The following CHST9 variants were observed in gnomAD, a reference collection of about 807,000 sequenced individuals.
CHST9 encodes the protein GalNAc-4-sulfotransferase 2.
In CHST9, 41 loss-of-function variants were observed where a neutral mutation model predicts 44.4. The observed-to-expected ratio is 0.92, with a 90% CI of 0.72 to 1.20. The LOEUF is 1.20. CHST9 is among the 50% of genes most tolerant of loss of function. The pLI is 0.00. For synonymous variants in CHST9, 171 were observed against 178.4 expected (o/e 0.96, Z 0.33); for missense variants, 504 against 516.5 (o/e 0.98, Z 0.23).
At chr18:27,176,722 T>C (rs2058871722) in intron 1 of CHST9, among the ~76,000 whole-genome samples, 1 of 152,054 alleles carries the variant, frequency 6.6e-6, no homozygotes, top group South Asian at 2.1e-4. Context: ...CTCAAGCCAT[T>C]CTTACTGGTT....
At chr18:27,047,075 A>G (rs2057510193) in intron 3 of CHST9, among the ~76,000 whole-genome samples, 2 of 152,008 alleles carry the variant, frequency 1.3e-5, no homozygotes, top group Non-Finnish European at 2.9e-5. Context: ...GGTGCAGGAA[A>G]GGGTAGGGAG....
chr18:26,987,435 A>T (rs930736687), intron 4 of CHST9, among the ~76,000 whole-genome samples: 3 of 152,206 alleles, frequency 2.0e-5, no homozygotes, highest in Admixed American at 6.5e-5. Context: ...TGTTATGGCA[A>T]CACAAAATTG....
chr18:27,042,712 G>A (rs2057458749), intron 3 of CHST9, among the ~76,000 whole-genome samples: 1 of 152,046 alleles, frequency 6.6e-6, no homozygotes, highest in Non-Finnish European at 1.5e-5. Flanking sequence ...CCTGAAAATA[G>A]TGGTTCAATA....
intron 2 of CHST9, among the ~76,000 whole-genome samples, chr18:27,068,647 A>G (rs1251279550): frequency 6.6e-6 from 1 of 152,188 alleles, no homozygotes; most frequent in Non-Finnish European, 1.5e-5. Flanking sequence ...CTACTAGGGT[A>G]GTTGAATTTG....
At chr18:27,030,417 A>G (rs12604387) in intron 3 of CHST9, among the ~76,000 whole-genome samples, 59,761 of 152,114 alleles carry the variant, frequency 0.39, 12,209 homozygotes, top group East Asian at 0.49. Context: ...GATTAACATG[A>G]GTAAACAAGT....
chr18:26,988,350 A>G (rs999250067), intron 4 of CHST9, among the ~76,000 whole-genome samples: 1 of 152,220 alleles, frequency 6.6e-6, no homozygotes, highest in Non-Finnish European at 1.5e-5. Flanking sequence ...AAAAGTTTGA[A>G]AAAAGATATA....
At position 27,024,160 on chromosome 18, in the gene CHST9, G is replaced by A; in HGVS notation, c.161-3C>T. ...CAAGTACTTCACTGGTCCCCATCCTGAAAAAGAAGAGGAAAGAAATTCATA... is the reference window on the plus strand; with the variant it reads ...CAAGTACTTCACTGGTCCCCATCCTAAAAAAGAAGAGGAAAGAAATTCATA... On this transcript the variant is annotated splice_region_variant and splice_polypyrimidine_tract_variant and intron_variant, in intron 3 of 5. Transcript: ENST00000618847. 2 of 1,607,896 alleles carry A rather than the reference G, an allele frequency of 1.2e-6. No individual in the cohort carries two copies. The highest frequency in any genetic ancestry group is 2.2e-5 in the East Asian group (1 of 44,592).
chr18:26,981,098 T>C (rs2145191195), intron 4 of CHST9, among the ~76,000 whole-genome samples: 1 of 152,286 alleles, frequency 6.6e-6, no homozygotes, highest in Non-Finnish European at 1.5e-5. Flanking sequence ...CAGAGTTGGA[T>C]TATTGCATTT....
chr18:27,064,539 C>T (rs898848852), intron 2 of CHST9, among the ~76,000 whole-genome samples: 7 of 152,310 alleles, frequency 4.6e-5, no homozygotes, highest in African/African-American at 1.4e-4. Flanking sequence ...TCAGATGATG[C>T]CCTCATGGAT....
At chr18:27,124,835 A>G (rs1439411985) in intron 2 of CHST9, among the ~76,000 whole-genome samples, 2 of 152,200 alleles carry the variant, frequency 1.3e-5, no homozygotes, top group Non-Finnish European at 2.9e-5. Context: ...CTTAATGTCA[A>G]TCACAAAATT....
At chr18:26,969,145 C>A (rs2056505264) in intron 4 of CHST9, among the ~76,000 whole-genome samples, 1 of 151,970 alleles carries the variant, frequency 6.6e-6, no homozygotes, top group Non-Finnish European at 1.5e-5. Flanking sequence ...ACTACAGGCG[C>A]CCGCCACCGT....
In CHST9 at chr18:26,948,988, G is replaced by A. The variant is rs376330502; in HGVS notation, c.203-4622C>T. Among the ~76,000 whole-genome samples, 5 of 152,258 alleles carry A rather than the reference G, an allele frequency of 3.3e-5. No individual in the cohort carries two copies. In the East Asian group the frequency reaches 7.7e-4, roughly 24 times the overall value. On this transcript the variant is annotated intron_variant, in intron 4 of 5. Transcript: ENST00000618847. ...GGAAGGGGCCCAGCCTTTGGAGATT[G>A]TGACTTGGGGTGATATTGGAGGCTT...
At chr18:27,087,228 G>A (rs1387555265) in intron 2 of CHST9, among the ~76,000 whole-genome samples, 1 of 151,988 alleles carries the variant, frequency 6.6e-6, no homozygotes, top group Non-Finnish European at 1.5e-5. Flanking sequence ...TATGTTTATT[G>A]ACATCAGAAA....
chr18:27,088,630 G>A (rs1373086357), intron 2 of CHST9, among the ~76,000 whole-genome samples: 1 of 152,014 alleles, frequency 6.6e-6, no homozygotes, highest in African/African-American at 2.4e-5. Flanking sequence ...TTGACCTCGT[G>A]ATCTGCCCGC....
At chr18:27,016,437 G>A (rs1221856710) in intron 4 of CHST9, among the ~76,000 whole-genome samples, 2 of 152,184 alleles carry the variant, frequency 1.3e-5, no homozygotes, top group Admixed American at 6.5e-5. Context: ...GTGATTAGAT[G>A]CCACCTGCAC....
At chr18:27,053,130 GGAAGAAGAAGAA>G (rs200427246) in intron 2 of CHST9, among the ~76,000 whole-genome samples, 1,183 of 71,158 alleles carry the variant, frequency 0.017, 16 homozygotes, top group South Asian at 0.039. Context: ...AGGAAGAAGA[GGAAGAAGAAGAA>G]GAAGAAGAAG....
In CHST9 at chr18:26,913,264, A is replaced by T. The variant is rs1362150769; in HGVS notation, c.*2995T>A. 6.6e-6 allele frequency: 1 copy of T among 152,218 alleles called. No homozygotes were observed. The highest frequency in any genetic ancestry group is 6.5e-5 in the Admixed American group (1 of 15,274). The allele number at this position is 152,218 out of a possible 1,614,324, so 9.4% of individuals were successfully genotyped here. On this transcript the variant is annotated 3_prime_UTR_variant, in exon 6 of 6. Coordinates refer to ENST00000618847, the MANE Select transcript of CHST9 (RefSeq NM_031422.6). ...AGTAGTTCTTGAATTAGAACTACTAATTCCCTAATGATAATAATATTATTA... is the reference window on the plus strand; with the variant it reads ...AGTAGTTCTTGAATTAGAACTACTATTTCCCTAATGATAATAATATTATTA...
chr18:27,017,905 A>G (rs2847311), intron 4 of CHST9, among the ~76,000 whole-genome samples: 1 of 152,206 alleles, frequency 6.6e-6, no homozygotes. Flanking sequence ...GAATTCTTGT[A>G]TTTTATAAAT....
At chr18:26,944,258 T>C in intron 5 of CHST9, 71 bp downstream of exon 5, 2 of 1,193,168 alleles carry the variant, frequency 1.7e-6, no homozygotes, top group Non-Finnish European at 2.5e-6. Context: ...CCTGCCTTTT[T>C]TATATTTACA....
Sources: allele counts gnomAD v4.1 joint callset (sites outside exome capture counted in the v4.1 genomes callset), GRCh38; gene constraint gnomAD v4.1.1; transcripts MANE v1.5; gene names NCBI Gene and HGNC (gene_info 2026-07-23, HGNC 2026-07-21).